The following KCNG2 variants were observed in gnomAD, a reference collection of about 807,000 sequenced individuals.
The protein encoded by KCNG2 is voltage-gated potassium channel regulatory subunit KCNG2.
KCNG2 carries 7 observed loss-of-function variants against 12.3 expected under a neutral mutation model. The ratio of observed to expected loss-of-function variants is 0.57; its 90% CI spans 0.32 to 1.07. KCNG2 has a LOEUF of 1.07. Ranked by LOEUF, KCNG2 falls within the 50% of genes least tolerant of loss-of-function variation. The pLI is 0.04. For missense variants in KCNG2, 703 were observed against 726.0 expected, an observed-to-expected ratio of 0.97 and a Z score of 0.36; for synonymous variants, 414 against 351.4, an observed-to-expected ratio of 1.18 and a Z score of -1.99.
chr18:79,798,751 G>A (rs2122981564), intron 1 of KCNG2, among the ~76,000 whole-genome samples: 2 of 152,360 alleles, frequency 1.3e-5, no homozygotes. Context: ...CCCGGGTCCG[G>A]ACTGTGGTCA....
In KCNG2 at chr18:79,822,326, T is replaced by C. The variant is rs1478011165; in HGVS notation, c.-115+24312T>C. ...ACCCCACTCAGATGTCACCGCGTTC[T>C]TCATACTAGAGCCACGGTTCTGTCC... On this transcript the variant is annotated intron_variant, in intron 1 of 3. Coordinates refer to ENST00000316249, the MANE Select transcript of KCNG2 (RefSeq NM_012283.2). This position sits in a 1 kb window ranked among gnomAD's most constrained non-coding sequence, Gnocchi z 4.4. 1.3e-5 allele frequency among the ~76,000 whole-genome samples: 2 copies of C among 152,180 alleles called. No homozygotes were observed. The highest frequency in any genetic ancestry group is 2.9e-5 in the Non-Finnish European group (2 of 68,024).
chr18:79,888,371 T>G (rs575875596), intron 3 of KCNG2, among the ~76,000 whole-genome samples: 12 of 151,436 alleles, frequency 7.9e-5, no homozygotes, highest in African/African-American at 2.9e-4. Flanking sequence ...GACAGCAGCA[T>G]CCTCCTCATG....
At chr18:79,853,411 A>G (rs1321957548) in intron 1 of KCNG2, among the ~76,000 whole-genome samples, 1 of 152,120 alleles carries the variant, frequency 6.6e-6, no homozygotes, top group Non-Finnish European at 1.5e-5. Flanking sequence ...GCAGCTGTTC[A>G]GGCAGAGGAA....
intron 1 of KCNG2, among the ~76,000 whole-genome samples, chr18:79,830,297 G>T (rs1978291939): frequency 1.3e-5 from 2 of 152,306 alleles, no homozygotes; most frequent in Middle Eastern, 6.8e-3. Context: ...TGCTGGCAGG[G>T]TTCTTACAGG....
intron 1 of KCNG2, among the ~76,000 whole-genome samples, chr18:79,814,988 A>T (rs2087518615): frequency 6.6e-6 from 1 of 152,054 alleles, no homozygotes; most frequent in Non-Finnish European, 1.5e-5. Flanking sequence ...AGGGTCAGGA[A>T]GTCTTCCCAG....
At chr18:79,857,766 T>C (rs1324619427) in intron 2 of KCNG2, among the ~76,000 whole-genome samples, 2 of 151,912 alleles carry the variant, frequency 1.3e-5, no homozygotes, top group Non-Finnish European at 2.9e-5. Flanking sequence ...TTTTTATAAA[T>C]GGAGATAAAA....
chr18:79,864,157 C>T lies in KCNG2; in HGVS notation c.490C>T (p.Arg164Cys). ...GCTGCAGCGCGGCCGGCGGCGCCTG[C>T]GCGACGTGGTGGACAACCCGCACTC... ...GRLQRGRRRL[R>C]DVVDNPHSGL... Residue 164 changes from arginine to cysteine, a missense_variant, in exon 3 of 4, where the codon CGC becomes TGC. Arg to Cys is a radical substitution (Grantham distance 180, BLOSUM62 -3). Transcript: ENST00000316249. 6.8e-7 allele frequency: 1 copy of T among 1,463,626 alleles called. No individual in the cohort carries two copies. Among genetic ancestry groups the T allele is most frequent in the East Asian group, 3.1e-5 (1 of 31,918 alleles). The allele number at this position is 1,463,626 out of a possible 1,614,324, so 90.7% of individuals were successfully genotyped here.
chr18:79,823,694 T>TC (rs1374682414), intron 1 of KCNG2, among the ~76,000 whole-genome samples: 13 of 152,324 alleles, frequency 8.5e-5, no homozygotes, highest in African/African-American at 3.1e-4. Context: ...TATGAGTTTT[T>TC]CCCCTTGTTG....
At chr18:79,857,367 C>T (rs1347273636) in intron 2 of KCNG2, among the ~76,000 whole-genome samples, 2 of 151,612 alleles carry the variant, frequency 1.3e-5, no homozygotes, top group Admixed American at 1.3e-4. Flanking sequence ...GAGCTTTCTC[C>T]CATTCAGAAG....
At position 79,873,962 on chromosome 18, in the gene KCNG2, C is replaced by T. The variant is rs189428838; in HGVS notation, c.624+9671C>T. On this transcript the variant is annotated intron_variant, in intron 3 of 3. Coordinates refer to ENST00000316249, the MANE Select transcript of KCNG2 (RefSeq NM_012283.2). Reference sequence around the variant, plus strand: ...GAAGAGTCAGACACGTTTCGGGCCACTTCGGGCTTTGACGGGGTCATCCCG... The same window carrying T: ...GAAGAGTCAGACACGTTTCGGGCCATTTCGGGCTTTGACGGGGTCATCCCG... Among the ~76,000 whole-genome samples, 153 of 152,368 alleles carry T rather than the reference C, an allele frequency of 1.0e-3. 1 individual carries two copies. Among genetic ancestry groups the T allele is most frequent in the African/African-American group, 3.5e-3 (145 of 41,598 alleles).
chr18:79,860,707 G>T (rs2123061869), intron 2 of KCNG2, among the ~76,000 whole-genome samples: 1 of 152,264 alleles, frequency 6.6e-6, no homozygotes, highest in Middle Eastern at 3.4e-3. Context: ...ATGTGTGCGT[G>T]TGTGTTCTTT....
chr18:79,838,523 A>C (rs1342056037), intron 1 of KCNG2, among the ~76,000 whole-genome samples: 3 of 152,028 alleles, frequency 2.0e-5, no homozygotes, highest in Admixed American at 6.5e-5. Context: ...CAGTCCTTCA[A>C]CCTCAGCCTC....
intron 3 of KCNG2, among the ~76,000 whole-genome samples, chr18:79,891,670 T>C (rs1980748634): frequency 6.6e-6 from 1 of 152,240 alleles, no homozygotes; most frequent in South Asian, 2.1e-4. Flanking sequence ...TCCACATATT[T>C]GTGAGGTTCC....
chr18:79,809,677 G>A (rs1009370869), intron 1 of KCNG2, among the ~76,000 whole-genome samples: 32 of 152,204 alleles, frequency 2.1e-4, no homozygotes, highest in East Asian at 9.6e-4. Context: ...GGTGCCCAGC[G>A]CACCTGCCGC....
chr18:79,894,744 T>G (rs930053979), intron 3 of KCNG2, among the ~76,000 whole-genome samples: 11 of 151,418 alleles, frequency 7.3e-5, no homozygotes, highest in African/African-American at 2.7e-4. Flanking sequence ...ACATCTAATG[T>G]TATGATTGAT....
intron 3 of KCNG2, 50 bp downstream of exon 3, chr18:79,864,341 TG>T: frequency 2.9e-6 from 1 of 342,502 alleles, no homozygotes; most frequent in Non-Finnish European, 4.4e-6. Context: ...GGGGCTGGGC[TG>T]GGATCTGGGC....
intron 1 of KCNG2, among the ~76,000 whole-genome samples, chr18:79,849,896 G>T (rs556651982): frequency 6.7e-6 from 1 of 149,948 alleles, no homozygotes; most frequent in African/African-American, 2.4e-5. Flanking sequence ...TGGGAGGGAG[G>T]CGAGACCCCA....
chr18:79,811,871 G>C (rs777720235), intron 1 of KCNG2, among the ~76,000 whole-genome samples: 1 of 152,150 alleles, frequency 6.6e-6, no homozygotes, highest in African/African-American at 2.4e-5. Context: ...GGGAGATCAC[G>C]CTGGATGGAA....
chr18:79,898,899 A>G (rs941820823), intron 3 of KCNG2, 141 bp from the exon 4 acceptor site: 11 of 599,556 alleles, frequency 1.8e-5, no homozygotes, highest in Admixed American at 3.6e-5. Flanking sequence ...GGGCCTGTCA[A>G]TATCCCCTGC....
Sources: gnomAD v4.1 joint callset for allele counts (sites outside exome capture counted in the v4.1 genomes callset) on GRCh38, gnomAD v4.1.1 for gene constraint, Gnocchi (gnomAD v3.1) non-coding constraint, MANE v1.5 for transcripts, NCBI Gene and HGNC (gene_info 2026-07-23, HGNC 2026-07-21) for gene names.